Variants in KCNH1 observed in about 807,000 individuals in gnomAD.
KCNH1 encodes voltage-gated delayed rectifier potassium channel KCNH1.
Under a neutral mutation model 69.2 loss-of-function variants are expected in KCNH1, and 27 were observed. The ratio of observed to expected loss-of-function variants is 0.39; its 90% CI spans 0.29 to 0.54. The LOEUF (loss-of-function observed/expected upper bound fraction) is 0.54, where lower values mean the gene tolerates loss of function less well. Ranked by LOEUF, KCNH1 falls within the 20% of genes least tolerant of loss-of-function variation. KCNH1 has a pLI of 0.68. For synonymous variants in KCNH1, 456 were observed against 487.7 expected, an observed-to-expected ratio of 0.93 and a Z score of 0.86; for missense variants, 798 against 1,261.6, an observed-to-expected ratio of 0.63 and a Z score of 5.57.
At chr1:210,709,799 C>G (rs1339402832) in intron 10 of KCNH1, among the ~76,000 whole-genome samples, 1 of 151,910 alleles carries the variant, frequency 6.6e-6, no homozygotes, top group Non-Finnish European at 1.5e-5. Flanking sequence ...AGGCACTGTG[C>G]CTGGGTCTTC....
intron 10 of KCNH1, among the ~76,000 whole-genome samples, chr1:210,769,730 A>T (rs1683714977): frequency 1.3e-5 from 2 of 152,160 alleles, no homozygotes. Context: ...TGTCCTAATG[A>T]TCAGCAGGAG....
At chr1:210,801,555 C>T (rs374191220) in intron 8 of KCNH1, among the ~76,000 whole-genome samples, 2 of 152,156 alleles carry the variant, frequency 1.3e-5, no homozygotes, top group East Asian at 1.9e-4. Flanking sequence ...GACAGATCTA[C>T]AGGGAGAGGA....
chr1:211,004,733 C>T (rs943710675), intron 6 of KCNH1, among the ~76,000 whole-genome samples: 4 of 151,994 alleles, frequency 2.6e-5, no homozygotes, highest in Admixed American at 6.6e-5. Flanking sequence ...AAAAAATAGG[C>T]TTCTTAGAAG....
intron 7 of KCNH1, among the ~76,000 whole-genome samples, chr1:210,863,067 A>C (rs890773089): frequency 1.3e-5 from 2 of 152,230 alleles, no homozygotes; most frequent in Non-Finnish European, 2.9e-5. Context: ...AAGCCGCATC[A>C]CTTATCCCCT....
chr1:210,817,896 CTG>C (rs1374917871), intron 7 of KCNH1, among the ~76,000 whole-genome samples: 1 of 152,142 alleles, frequency 6.6e-6, no homozygotes, highest in Non-Finnish European at 1.5e-5. Flanking sequence ...GTGTGGGACA[CTG>C]TGTTGTGCAT....
chr1:211,126,687 C>CAAAAAAAAAAA (rs71571980), intron 1 of KCNH1, among the ~76,000 whole-genome samples: 7 of 64,946 alleles, frequency 1.1e-4, no homozygotes, highest in African/African-American at 3.7e-4. Context: ...TATAATATCT[C>CAAAAAAAAAAA]AAAAAAAAAA....
intron 1 of KCNH1, among the ~76,000 whole-genome samples, chr1:211,125,267 C>T (rs1196742632): frequency 1.3e-5 from 2 of 152,154 alleles, no homozygotes; most frequent in Non-Finnish European, 2.9e-5. Context: ...ACAGGTCAGC[C>T]TCCCAGCCTC....
At chr1:210,753,024 C>T (rs1468961311) in intron 10 of KCNH1, among the ~76,000 whole-genome samples, 1 of 152,086 alleles carries the variant, frequency 6.6e-6, no homozygotes, top group Admixed American at 6.5e-5. Flanking sequence ...CAGGAGCCAC[C>T]AGAAGCTGAA....
At chr1:210,705,292 C>T (rs1195927609) in intron 10 of KCNH1, among the ~76,000 whole-genome samples, 2 of 152,178 alleles carry the variant, frequency 1.3e-5, no homozygotes, top group African/African-American at 4.8e-5. Context: ...GCTCAAGCCC[C>T]TGAGTTGCTG....
intron 9 of KCNH1, among the ~76,000 whole-genome samples, chr1:210,786,260 G>A (rs769623351): frequency 1.3e-5 from 2 of 152,128 alleles, no homozygotes; most frequent in Non-Finnish European, 2.9e-5. Flanking sequence ...ACACACGTAC[G>A]GTGTTTAGCA....
intron 6 of KCNH1, among the ~76,000 whole-genome samples, chr1:210,921,804 C>A (rs1051390404): frequency 1.3e-5 from 2 of 152,008 alleles, no homozygotes; most frequent in Non-Finnish European, 2.9e-5. Context: ...GCCTGGGTCC[C>A]GGAAGGACTA....
chr1:210,872,149 C>CAAAA (rs60497732), intron 7 of KCNH1, among the ~76,000 whole-genome samples: 2 of 77,702 alleles, frequency 2.6e-5, no homozygotes, highest in Admixed American at 1.4e-4. Context: ...GGAAGAGCAC[C>CAAAA]AAAAAAAAAA....
At chr1:210,694,037 T>C (rs182816322) in intron 10 of KCNH1, among the ~76,000 whole-genome samples, 5 of 152,286 alleles carry the variant, frequency 3.3e-5, no homozygotes, top group Admixed American at 3.3e-4. Flanking sequence ...GGAAAAGTCT[T>C]ACAGACTGGA....
rs758050302 is a variant in KCNH1, at chr1:210,858,159, A to G, written c.1463-53993T>C. 2.6e-4 allele frequency: 39 copies of G among 152,196 alleles called. 1 individual carries two copies. Among genetic ancestry groups the G allele is most frequent in the Admixed American group, 2.0e-4 (3 of 15,268 alleles). 9.4% of individuals were successfully genotyped at this position (152,196 alleles called of 1,614,324 possible). ...TAAGTTCTTTTAATAGATTGCATAT[A>G]TGGGTGTTTAGCCATACTCTTAGAT... On this transcript the variant is annotated intron_variant, in intron 7 of 10. Transcript: ENST00000271751.
In KCNH1 at chr1:210,803,958, C is replaced by T. The variant is rs755173966; in HGVS notation, c.1662+9G>A. 1.1e-5 allele frequency: 18 copies of T among 1,612,378 alleles called. No individual in the cohort carries two copies. The highest frequency in any genetic ancestry group is 1.7e-4 in the Middle Eastern group (1 of 6,056). The stretch of plus-strand genomic sequence containing the variant: ...CAAATGGTTTCCCTGAGCTCCTCAT[C>T]CTCCTTACCTTCTCTGTGTCAATGC... On this transcript the variant is annotated intron_variant, in intron 8 of 10. Transcript: ENST00000271751.
At chr1:210,889,190 A>C (rs1686688473) in intron 7 of KCNH1, among the ~76,000 whole-genome samples, 1 of 152,238 alleles carries the variant, frequency 6.6e-6, no homozygotes, top group Non-Finnish European at 1.5e-5. Flanking sequence ...GCAGCACATC[A>C]AAAAGCTTCT....
chr1:211,108,204 T>C (rs532417026), intron 1 of KCNH1, among the ~76,000 whole-genome samples: 8 of 152,324 alleles, frequency 5.3e-5, no homozygotes, highest in Non-Finnish European at 8.8e-5. Flanking sequence ...GCTCAGGATA[T>C]CAACTGTCCT....
intron 10 of KCNH1, among the ~76,000 whole-genome samples, chr1:210,726,199 G>C (rs1234171871): frequency 6.6e-6 from 1 of 152,050 alleles, no homozygotes; most frequent in Non-Finnish European, 1.5e-5. Flanking sequence ...CAGGATCCTG[G>C]TATCAGCTCC....
chr1:210,848,251 T>C (rs1685604260), intron 7 of KCNH1, among the ~76,000 whole-genome samples: 1 of 152,246 alleles, frequency 6.6e-6, no homozygotes, highest in Non-Finnish European at 1.5e-5. Context: ...TTTCCTGTCA[T>C]TTTACAATTT....
Sources: allele counts gnomAD v4.1 joint callset (sites outside exome capture counted in the v4.1 genomes callset), GRCh38; gene constraint gnomAD v4.1.1; transcripts MANE v1.5; gene names NCBI Gene and HGNC (gene_info 2026-07-23, HGNC 2026-07-21).